The following CALCR variants were observed in gnomAD, a reference collection of about 807,000 sequenced individuals.
CALCR encodes calcitonin receptor.
A neutral mutation model predicts 59.5 loss-of-function variants in CALCR; 47 were observed. The ratio of observed to expected loss-of-function variants is 0.79; its 90% CI spans 0.63 to 1.01. The LOEUF (loss-of-function observed/expected upper bound fraction) is 1.01. Among genes scored for constraint, CALCR ranks in the 50% least tolerant of loss-of-function variants. The pLI, the probability that CALCR is intolerant of heterozygous loss-of-function variation, is 0.00. For missense variants in CALCR, 566 were observed against 597.1 expected (o/e 0.95, Z 0.54); for synonymous variants, 213 against 211.3 (o/e 1.01, Z -0.07).
Position 93,488,582 on chromosome 7 carries a change from G to GCAAAAAAAAAAAAAAAA in CALCR, c.-26-1576_-26-1575insTTTTTTTTTTTTTTTTG, listed in dbSNP as rs770479251. ...GGAAAATTTACCAAGCAAATGGAAAGAAAAAAAAAAAAAAAAAAAGCATGG... is the reference window on the plus strand; with the variant it reads ...GGAAAATTTACCAAGCAAATGGAAAGCAAAAAAAAAAAAAAAAAAAAAAAAAAAAAAAAAAAGCATGG... On this transcript the variant is annotated intron_variant, in intron 2 of 13. Coordinates refer to ENST00000426151, the MANE Select transcript of CALCR (RefSeq NM_001742.4). Among the ~76,000 whole-genome samples the GCAAAAAAAAAAAAAAAA allele has an allele frequency of 4.0e-4, 31 of 78,034 alleles. 2 individuals carry two copies. Among genetic ancestry groups the GCAAAAAAAAAAAAAAAA allele is most frequent in the East Asian group, 1.8e-3 (4 of 2,266 alleles). The allele number at this position is 78,034 out of a possible 152,430, so 51.2% of individuals were successfully genotyped here. A position where few individuals can be genotyped will look rare whatever the true frequency, so the allele number is the denominator to read the frequency against.
intron 2 of CALCR, among the ~76,000 whole-genome samples, chr7:93,504,097 C>T (rs1195896271): frequency 1.3e-5 from 2 of 152,034 alleles, no homozygotes; most frequent in African/African-American, 4.8e-5. Context: ...ATCTCAGTGG[C>T]CAATGAAGAA....
At chr7:93,505,869 G>A (rs2116022033) in intron 2 of CALCR, among the ~76,000 whole-genome samples, 1 of 152,282 alleles carries the variant, frequency 6.6e-6, no homozygotes, top group Non-Finnish European at 1.5e-5. Context: ...CCCGTGTACA[G>A]GAAGGAGCAG....
At chr7:93,553,585 T>G (rs1239070057) in intron 2 of CALCR, among the ~76,000 whole-genome samples, 12 of 152,116 alleles carry the variant, frequency 7.9e-5, no homozygotes, top group African/African-American at 2.7e-4. Flanking sequence ...GCTCTGCTCA[T>G]TATTAGCTGT....
At chr7:93,543,650 A>ATT (rs910191563) in intron 2 of CALCR, among the ~76,000 whole-genome samples, 4 of 131,866 alleles carry the variant, frequency 3.0e-5, no homozygotes, top group Admixed American at 1.5e-4. Context: ...ATGGCCCATG[A>ATT]TTATATATAT....
At chr7:93,543,438 C>T (rs906652577) in intron 2 of CALCR, among the ~76,000 whole-genome samples, 2 of 152,092 alleles carry the variant, frequency 1.3e-5, no homozygotes, top group African/African-American at 4.8e-5. Context: ...AGTCACCGTG[C>T]GTGGCCTGTA....
chr7:93,451,193 C>T (rs1381337956), intron 8 of CALCR, among the ~76,000 whole-genome samples: 3 of 151,976 alleles, frequency 2.0e-5, no homozygotes, highest in Non-Finnish European at 4.4e-5. Flanking sequence ...CAATAGTTCA[C>T]ATTTTTAAAT....
At chr7:93,502,814 G>A (rs1350246481) in intron 2 of CALCR, among the ~76,000 whole-genome samples, 1 of 151,830 alleles carries the variant, frequency 6.6e-6, no homozygotes, top group Non-Finnish European at 1.5e-5. Context: ...AGATGTTTTT[G>A]GTATGTTATT....
intron 8 of CALCR, among the ~76,000 whole-genome samples, chr7:93,450,660 C>T (rs942789492): frequency 1.6e-4 from 25 of 152,094 alleles, no homozygotes; most frequent in South Asian, 1.5e-3. Context: ...ATTTTAAAGT[C>T]TCATCTTCTT....
chr7:93,561,526 A>G (rs756981334), intron 2 of CALCR, among the ~76,000 whole-genome samples: 7 of 152,114 alleles, frequency 4.6e-5, no homozygotes, highest in Non-Finnish European at 7.4e-5. Context: ...TAAGAAATTT[A>G]TAATTGTTAA....
At chr7:93,435,102 C>A (rs1450454387) in intron 12 of CALCR, among the ~76,000 whole-genome samples, 1 of 152,118 alleles carries the variant, frequency 6.6e-6, no homozygotes, top group Non-Finnish European at 1.5e-5. Context: ...ACTAGGGCAG[C>A]CATTCTCCTA....
In CALCR at chr7:93,495,156, T is replaced by G. The variant is rs138916987; in HGVS notation, c.-26-8149A>C. Among the ~76,000 whole-genome samples, 610 of 151,472 alleles carry G rather than the reference T, an allele frequency of 4.0e-3. 8 individuals carry two copies. The highest frequency in any genetic ancestry group is 0.014 in the African/African-American group (585 of 41,444). On this transcript the variant is annotated intron_variant, in intron 2 of 13. Transcript: ENST00000426151. ...ATCACCAAACAGCAGTTAGTGGGTA[T>G]GAAATGCACCTTGAGAACTTTCAAA... is the stretch of plus-strand genomic sequence containing the variant.
intron 2 of CALCR, among the ~76,000 whole-genome samples, chr7:93,495,613 G>T (rs1801183970): frequency 6.6e-6 from 1 of 151,242 alleles, no homozygotes. Flanking sequence ...TGACTACTTA[G>T]TCATGCCCTC....
chr7:93,426,502 G>A lies in CALCR; in HGVS notation c.1279C>T (p.Arg427Cys). 2.5e-6 allele frequency: 4 copies of A among 1,613,746 alleles called. No individual in the cohort carries two copies. The highest frequency in any genetic ancestry group is 3.4e-6 in the Non-Finnish European group (4 of 1,179,688). ...WGRRPSNRSA[R>C]AAAAAAEAGD... is the part of the protein sequence containing the mutation. ...GCCTCCGCAGCAGCGGCTGCAGCGC[G>A]AGCAGAGCGGTTGGAGGGGCGCCTC... Residue 427 changes from arginine (R) to cysteine (C), a missense_variant, in exon 14 of 14, where the codon CGC (arginine) becomes TGC (cysteine). Transcript: ENST00000426151.
At chr7:93,520,228 T>C (rs924445868) in intron 2 of CALCR, among the ~76,000 whole-genome samples, 1 of 152,060 alleles carries the variant, frequency 6.6e-6, no homozygotes, top group Non-Finnish European at 1.5e-5. Context: ...AGACCCTGAA[T>C]TGAAATTGCC....
chr7:93,565,320 C>T (rs941225776), intron 2 of CALCR, among the ~76,000 whole-genome samples: 1 of 152,176 alleles, frequency 6.6e-6, no homozygotes, highest in South Asian at 2.1e-4. Context: ...TATAGCATTA[C>T]TTCAAATGCT....
chr7:93,557,215 T>C (rs1177650847), intron 2 of CALCR, among the ~76,000 whole-genome samples: 1 of 152,126 alleles, frequency 6.6e-6, no homozygotes, highest in South Asian at 2.1e-4. Context: ...CTCAGACTGC[T>C]TATGTATAAA....
chr7:93,434,603 A>C (rs1370106396), intron 12 of CALCR, among the ~76,000 whole-genome samples: 1 of 151,960 alleles, frequency 6.6e-6, no homozygotes, highest in Non-Finnish European at 1.5e-5. Context: ...TGAAAAAAAA[A>C]AACTACACTT....
At chr7:93,521,399 A>C (rs1291096612) in intron 2 of CALCR, among the ~76,000 whole-genome samples, 3 of 152,108 alleles carry the variant, frequency 2.0e-5, no homozygotes, top group Non-Finnish European at 2.9e-5. Flanking sequence ...GAACAACCTC[A>C]TTTTTATAGA....
chr7:93,451,461 C>A (rs1404654566), intron 8 of CALCR, among the ~76,000 whole-genome samples: 1 of 151,978 alleles, frequency 6.6e-6, no homozygotes, highest in Non-Finnish European at 1.5e-5. Context: ...CTTATCATTT[C>A]AATTAAAAGA....
Sources: allele counts gnomAD v4.1 joint callset (sites outside exome capture counted in the v4.1 genomes callset), GRCh38; gene constraint gnomAD v4.1.1; transcripts MANE v1.5; gene names NCBI Gene and HGNC (gene_info 2026-07-23, HGNC 2026-07-21).